PAPPA2: variants seen among roughly 807,000 people sequenced by gnomAD.
PAPPA2 encodes pappalysin 2, also known as pappalysin-2.
PAPPA2 carries 86 observed loss-of-function variants against 176.4 expected under a neutral mutation model. The observed-to-expected ratio is 0.49, with a 90% CI of 0.41 to 0.58. The LOEUF (loss-of-function observed/expected upper bound fraction) is 0.58. PAPPA2 is among the 20% of genes least tolerant of loss of function. The probability of loss-of-function intolerance (pLI) is 0.00; values close to 1 mark genes in which losing one functional copy is unlikely to be tolerated. For synonymous variants in PAPPA2, 809 were observed against 852.2 expected, an observed-to-expected ratio of 0.95 and a Z score of 0.88; for missense variants, 2,073 against 2,256.9, an observed-to-expected ratio of 0.92 and a Z score of 1.65.
intron 21 of PAPPA2, among the ~76,000 whole-genome samples, chr1:176,826,698 C>T (rs1031749660): frequency 3.3e-5 from 5 of 152,228 alleles, no homozygotes; most frequent in Non-Finnish European, 5.9e-5. Context: ...CATGATACCT[C>T]CCTCTTGCCA....
chr1:176,666,101 A>G (rs1157802264), intron 3 of PAPPA2, among the ~76,000 whole-genome samples: 2 of 152,196 alleles, frequency 1.3e-5, no homozygotes, highest in African/African-American at 4.8e-5. Flanking sequence ...CTGGGAAATA[A>G]CTTTTAAAAA....
At chr1:176,481,231 T>A (rs1652378515) in intron 1 of PAPPA2, among the ~76,000 whole-genome samples, 1 of 150,728 alleles carries the variant, frequency 6.6e-6, no homozygotes, top group Non-Finnish European at 1.5e-5. Context: ...CATTGGTTGA[T>A]TTAAGCGCTG....
In PAPPA2 at chr1:176,793,541, T is replaced by C. The variant is rs1665279283; in HGVS notation, c.5021-19T>C. On this transcript the variant is annotated intron_variant, in intron 19 of 22. Coordinates refer to ENST00000367662, the MANE Select transcript of PAPPA2 (RefSeq NM_020318.3). ...ATCTGGGAAGTTCAAGTCTCTGCTGTAAACTTCTGTTCTTTCAGGTGCAGT... is the reference window on the plus strand; with the variant it reads ...ATCTGGGAAGTTCAAGTCTCTGCTGCAAACTTCTGTTCTTTCAGGTGCAGT... The C allele has an allele frequency of 6.3e-7, 1 of 1,579,644 alleles. No individual in the cohort carries two copies.
At chr1:176,641,801 C>G (rs909780407) in intron 3 of PAPPA2, among the ~76,000 whole-genome samples, 1 of 151,896 alleles carries the variant, frequency 6.6e-6, no homozygotes. Context: ...TTAATATAGT[C>G]TGAACCAGCC....
At chr1:176,538,278 G>T (rs1650179487) in intron 1 of PAPPA2, among the ~76,000 whole-genome samples, 1 of 152,202 alleles carries the variant, frequency 6.6e-6, no homozygotes, top group Admixed American at 6.5e-5. Context: ...TCTTGAGCAT[G>T]TGTTAGGTGT....
chr1:176,651,828 ATTCTTTT>A (rs1558497705), intron 3 of PAPPA2, among the ~76,000 whole-genome samples: 2 of 150,960 alleles, frequency 1.3e-5, no homozygotes, highest in East Asian at 2.0e-4. Flanking sequence ...TCATTTCTTC[ATTCTTTT>A]TTCTTTTTTC....
rs147061841 is a variant in PAPPA2, at chr1:176,794,217, T to C, written c.5130+548T>C. On this transcript the variant is annotated intron_variant, in intron 20 of 22. Transcript: ENST00000367662. ...TAGTCTGGCGTTTTGATGAAAAACATATCGAAGTAGCAACTGACATAAAAG... is the reference window on the plus strand; with the variant it reads ...TAGTCTGGCGTTTTGATGAAAAACACATCGAAGTAGCAACTGACATAAAAG... 6.6e-5 allele frequency among the ~76,000 whole-genome samples: 10 copies of C among 152,294 alleles called. No individual in the cohort carries two copies. In the East Asian group the frequency reaches 1.5e-3, roughly 24 times the overall value.
chr1:176,675,820 A>G (rs1243601264), intron 4 of PAPPA2, among the ~76,000 whole-genome samples: 1 of 152,100 alleles, frequency 6.6e-6, no homozygotes, highest in Non-Finnish European at 1.5e-5. Context: ...AATATTTACA[A>G]AACACGAATC....
rs553554101 is a variant in PAPPA2 at position 176,663,630 on chromosome 1, A to G, written c.1992-7340A>G. Among the ~76,000 whole-genome samples the G allele has an allele frequency of 4.6e-5, 7 of 152,186 alleles. No homozygotes were observed. The South Asian group carries it at 1.2e-3, about 27-fold the overall frequency. ...ACTTTATATTTATATATTATTTACT[A>G]TATTTTCATATAGTGACTTTCATTA... On this transcript the variant is annotated intron_variant, in intron 3 of 22. Coordinates refer to ENST00000367662, the MANE Select transcript of PAPPA2 (RefSeq NM_020318.3).
At chr1:176,566,498 A>G (rs2102606131) in intron 2 of PAPPA2, among the ~76,000 whole-genome samples, 1 of 152,236 alleles carries the variant, frequency 6.6e-6, no homozygotes, top group African/African-American at 2.4e-5. Flanking sequence ...CCCAGGTGGC[A>G]CCATTAGCTG....
intron 3 of PAPPA2, among the ~76,000 whole-genome samples, chr1:176,638,046 T>C (rs1290086224): frequency 2.0e-5 from 3 of 152,078 alleles, no homozygotes; most frequent in Non-Finnish European, 4.4e-5. Flanking sequence ...TGCCTTGCAC[T>C]GTACTAGAAA....
At chr1:176,765,530 T>A in intron 14 of PAPPA2, 136 bp from the exon 15 acceptor site, 1 of 770,378 alleles carries the variant, frequency 1.3e-6, no homozygotes, top group East Asian at 2.5e-5. Flanking sequence ...AGAAAAAAGG[T>A]GATGAGTTAA....
intron 12 of PAPPA2, among the ~76,000 whole-genome samples, chr1:176,738,668 A>T (rs1662530637): frequency 6.6e-6 from 1 of 152,116 alleles, no homozygotes; most frequent in Non-Finnish European, 1.5e-5. Context: ...AACACCAGGG[A>T]AAGTTGAGAT....
At chr1:176,732,517 GTGAA>G (rs1662209705) in intron 12 of PAPPA2, among the ~76,000 whole-genome samples, 1 of 152,158 alleles carries the variant, frequency 6.6e-6, no homozygotes, top group South Asian at 2.1e-4. Context: ...AGCAAATATG[GTGAA>G]TGAAAGTATT....
intron 3 of PAPPA2, among the ~76,000 whole-genome samples, chr1:176,645,238 C>T (rs1323832551): frequency 6.6e-6 from 1 of 151,444 alleles, no homozygotes; most frequent in African/African-American, 2.4e-5. Context: ...CTCTTTTTAT[C>T]CTCCCTCCCT....
chr1:176,611,238 T>G (rs1654906583), intron 3 of PAPPA2, among the ~76,000 whole-genome samples: 1 of 152,128 alleles, frequency 6.6e-6, no homozygotes, highest in Non-Finnish European at 1.5e-5. Context: ...GTATATTATA[T>G]GGGGGCATAA....
At chr1:176,789,514 G>A (rs1232793039) in intron 17 of PAPPA2, among the ~76,000 whole-genome samples, 1 of 152,020 alleles carries the variant, frequency 6.6e-6, no homozygotes, top group Non-Finnish European at 1.5e-5. Context: ...TAACAAACCT[G>A]CACGTTGTGC....
At chr1:176,554,250 G>A (rs1405230622) in intron 1 of PAPPA2, among the ~76,000 whole-genome samples, 3 of 152,164 alleles carry the variant, frequency 2.0e-5, no homozygotes, top group South Asian at 2.1e-4. Flanking sequence ...GAGGCAGTGC[G>A]ATCTTACTCC....
intron 12 of PAPPA2, among the ~76,000 whole-genome samples, chr1:176,721,341 A>G (rs773012228): frequency 1.3e-5 from 2 of 152,198 alleles, no homozygotes; most frequent in Non-Finnish European, 2.9e-5. Context: ...AAGTAAAATG[A>G]ATTTAAATTC....
Sources: gnomAD v4.1 joint callset for allele counts (sites outside exome capture counted in the v4.1 genomes callset) on GRCh38, gnomAD v4.1.1 for gene constraint, MANE v1.5 for transcripts, NCBI Gene and HGNC (gene_info 2026-07-23, HGNC 2026-07-21) for gene names.